The following NAV2 variants were observed in gnomAD, a reference collection of about 807,000 sequenced individuals.
The protein encoded by NAV2 is neuron navigator 2.
Under a neutral mutation model 223.2 loss-of-function variants are expected in NAV2, and 54 were observed. That is an observed-to-expected ratio of 0.24 (90% CI 0.19 to 0.30). NAV2 has a LOEUF of 0.30. Ranked by LOEUF, NAV2 falls within the 10% of genes least tolerant of loss-of-function variation. The probability of loss-of-function intolerance (pLI) is 1.00; values close to 1 mark genes in which losing one functional copy is unlikely to be tolerated. For missense variants in NAV2, 2,806 were observed against 3,147.5 expected, an observed-to-expected ratio of 0.89 and a Z score of 2.60; for synonymous variants, 1,279 against 1,239.3, an observed-to-expected ratio of 1.03 and a Z score of -0.67.
At chr11:20,060,554 A>G (rs770017479) in intron 19 of NAV2, among the ~76,000 whole-genome samples, 2 of 152,236 alleles carry the variant, frequency 1.3e-5, no homozygotes, top group Non-Finnish European at 2.9e-5. Flanking sequence ...GTGGATGTAC[A>G]TGCTGATATA....
At chr11:19,455,824 AG>A (rs1445128625) in intron 1 of NAV2, among the ~76,000 whole-genome samples, 2 of 152,254 alleles carry the variant, frequency 1.3e-5, no homozygotes, top group Non-Finnish European at 2.9e-5. Context: ...CTGGCGAAAC[AG>A]TCCCAGAAAT....
intron 14 of NAV2, among the ~76,000 whole-genome samples, chr11:20,048,231 G>T (rs1156362760): frequency 4.6e-5 from 7 of 152,184 alleles, no homozygotes; most frequent in African/African-American, 1.7e-4. Context: ...GCCCCCTCCA[G>T]ATCTAAATTC....
chr11:19,860,148 G>A (rs2061650916), intron 3 of NAV2, among the ~76,000 whole-genome samples: 1 of 146,602 alleles, frequency 6.8e-6, no homozygotes. Flanking sequence ...CTCCCGGACG[G>A]GGCGGCTGGC....
At chr11:20,075,442 C>T (rs1444985811) in intron 22 of NAV2, among the ~76,000 whole-genome samples, 1 of 151,894 alleles carries the variant, frequency 6.6e-6, no homozygotes, top group African/African-American at 2.4e-5. Flanking sequence ...GGGGTTTCAC[C>T]GTGTTAGCCA....
chr11:19,415,487 G>A (rs149817223), intron 1 of NAV2, among the ~76,000 whole-genome samples: 9 of 152,200 alleles, frequency 5.9e-5, no homozygotes, highest in South Asian at 2.1e-4. Flanking sequence ...AGGACCCAAC[G>A]GATTCACAGA....
intron 1 of NAV2, among the ~76,000 whole-genome samples, chr11:19,409,107 C>T (rs1234392099): frequency 6.6e-6 from 1 of 151,970 alleles, no homozygotes; most frequent in African/African-American, 2.4e-5. Flanking sequence ...TTTTTTTTCC[C>T]CTTTGGGAAC....
At chr11:19,961,584 A>G (rs2048354131) in intron 10 of NAV2, among the ~76,000 whole-genome samples, 1 of 152,170 alleles carries the variant, frequency 6.6e-6, no homozygotes, top group Non-Finnish European at 1.5e-5. Flanking sequence ...AATGGAAGAA[A>G]CTTTAGAGAT....
At chr11:19,861,999 C>T (rs1430226779) in intron 3 of NAV2, among the ~76,000 whole-genome samples, 1 of 152,188 alleles carries the variant, frequency 6.6e-6, no homozygotes, top group Non-Finnish European at 1.5e-5. Context: ...CAACTCCCCT[C>T]CCAGGTTGCT....
chr11:19,934,037 T>TC lies in NAV2; in HGVS notation c.1798dup (p.Gln600ProfsTer85). ...CGGAGTGGGAAGCTGAGCTCAGGAC[T>TC]CCCCCAGCAGAAGCCCCAGCTGGAC... is the stretch of plus-strand genomic sequence containing the variant. On this transcript the variant is annotated frameshift_variant, in exon 7 of 38. Coordinates refer to ENST00000349880, the MANE Select transcript of NAV2 (RefSeq NM_145117.5). LOFTEE classifies it high-confidence loss of function. 6.3e-7 allele frequency: 1 copy of TC among 1,598,540 alleles called. No individual in the cohort carries two copies. The highest frequency in any genetic ancestry group is 8.5e-7 in the Non-Finnish European group (1 of 1,172,732).
rs574730259 is a variant in NAV2 at position 19,860,392 on chromosome 11, G to C, written c.439-8533G>C. 7.0e-3 allele frequency among the ~76,000 whole-genome samples: 1,044 copies of C among 149,536 alleles called. 6 individuals carry two copies. The highest frequency in any genetic ancestry group is 0.024 in the African/African-American group (988 of 40,348). ...CAGAGACGCTCCTCACATCCCGGAC[G>C]GGGCGACAGGGCAGAGGCGCTCCCC... On this transcript the variant is annotated intron_variant, in intron 3 of 37. Transcript: ENST00000349880.
chr11:19,886,904 T>C (rs2041043336), intron 5 of NAV2, among the ~76,000 whole-genome samples: 1 of 152,170 alleles, frequency 6.6e-6, no homozygotes, highest in Non-Finnish European at 1.5e-5. Flanking sequence ...AGATACGCTT[T>C]TGTCTCTGCT....
chr11:19,584,137 T>G lies in NAV2; in HGVS notation c.75+233110T>G, dbSNP rs565182729. On this transcript the variant is annotated intron_variant, in intron 1 of 37. Coordinates refer to the NAV2 transcript ENST00000360655. ...TGTATGTATTGAGGAATTTATCCATTTCTTCCAGATTTTCTAGTTTATTTG... is the reference window on the plus strand; with the variant it reads ...TGTATGTATTGAGGAATTTATCCATGTCTTCCAGATTTTCTAGTTTATTTG... Among the ~76,000 whole-genome samples the G allele has an allele frequency of 2.0e-5, 3 of 152,350 alleles. No individual in the cohort carries two copies. In the South Asian group the frequency reaches 6.2e-4, roughly 32 times the overall value.
intron 5 of NAV2, among the ~76,000 whole-genome samples, chr11:19,886,969 C>T (rs1005117534): frequency 5.3e-5 from 8 of 152,132 alleles, no homozygotes; most frequent in African/African-American, 1.7e-4. Flanking sequence ...AAGGCTCTTC[C>T]TTGCCTTCTC....
At chr11:20,112,682 A>G (rs1456277117) in intron 36 of NAV2, among the ~76,000 whole-genome samples, 2 of 152,160 alleles carry the variant, frequency 1.3e-5, no homozygotes, top group Non-Finnish European at 2.9e-5. Context: ...AGGTGGTGTC[A>G]GTCAGGAGGG....
chr11:20,044,858 C>G (rs1479599549), intron 13 of NAV2, 110 bp from the exon 14 acceptor site: 3 of 849,878 alleles, frequency 3.5e-6, no homozygotes, highest in Non-Finnish European at 5.4e-6. Context: ...TCCTCTGCCT[C>G]CCCAAGGGAA....
chr11:19,759,607 C>T (rs74529939), intron 1 of NAV2, among the ~76,000 whole-genome samples: 5,625 of 152,206 alleles, frequency 0.037, 198 homozygotes, highest in African/African-American at 0.088. Flanking sequence ...GGAGCGGGGC[C>T]TCTGGTGCTG....
chr11:19,796,865 C>G (rs77357259), intron 1 of NAV2, among the ~76,000 whole-genome samples: 244 of 152,304 alleles, frequency 1.6e-3, no homozygotes, highest in African/African-American at 5.6e-3. Flanking sequence ...TGCACGCTTT[C>G]TCTGATTAGG....
At chr11:19,398,998 C>T (rs7115842) in intron 1 of NAV2, among the ~76,000 whole-genome samples, 57,009 of 152,016 alleles carry the variant, frequency 0.38, 10,960 homozygotes, top group East Asian at 0.53. Flanking sequence ...TGCCTATTGG[C>T]TCTTTTGTAA....
chr11:20,022,834 T>A (rs1434391938), intron 11 of NAV2: 1 of 1,273,020 alleles, frequency 7.9e-7, no homozygotes, highest in Non-Finnish European at 9.9e-7. Flanking sequence ...TTTGCTTTGC[T>A]GAAACTTTTC....
Sources: gnomAD v4.1 joint callset for allele counts (sites outside exome capture counted in the v4.1 genomes callset) on GRCh38, gnomAD v4.1.1 for gene constraint, MANE v1.5 for transcripts, NCBI Gene and HGNC (gene_info 2026-07-23, HGNC 2026-07-21) for gene names.